The following FKBP3 variants were observed in gnomAD, a reference collection of about 807,000 sequenced individuals.
FKBP3 encodes peptidyl-prolyl cis-trans isomerase FKBP3.
A neutral mutation model predicts 30.6 loss-of-function variants in FKBP3; 21 were observed. The observed-to-expected ratio is 0.69, with a 90% confidence interval of 0.49 to 0.99. The LOEUF is 0.99. FKBP3 is among the 50% of genes least tolerant of loss of function. The pLI is 0.00. For missense variants in FKBP3, 283 were observed against 261.6 expected, an observed-to-expected ratio of 1.08 and a Z score of -0.56; for synonymous variants, 82 against 91.3, an observed-to-expected ratio of 0.90 and a Z score of 0.58.
Position 45,115,848 on chromosome 14 carries a change from C to T in FKBP3, c.*350G>A. 1 of 174,960 alleles carries T rather than the reference C, an allele frequency of 5.7e-6. No individual in the cohort carries two copies. 10.8% of individuals were successfully genotyped at this position (174,960 alleles called of 1,614,324 possible). On this transcript the variant is annotated 3_prime_UTR_variant, in exon 7 of 7. Transcript: ENST00000396062. ...CCCTGGTTTGATGAGGTCCTTAGTTCCAATTCCCTAATCAGAACAATAATA... is the reference window on the plus strand; with the variant it reads ...CCCTGGTTTGATGAGGTCCTTAGTTTCAATTCCCTAATCAGAACAATAATA...
intron 5 of FKBP3, among the ~76,000 whole-genome samples, chr14:45,119,690 T>A (rs1768412641): frequency 1.4e-5 from 2 of 139,252 alleles, no homozygotes; most frequent in African/African-American, 5.2e-5. Context: ...CAGGTAACAA[T>A]TTTTTTTTTT....
At chr14:45,128,410 G>A (rs765251252) in intron 3 of FKBP3, among the ~76,000 whole-genome samples, 27 of 152,338 alleles carry the variant, frequency 1.8e-4, no homozygotes, top group Non-Finnish European at 1.9e-4. Context: ...TACTTTATGT[G>A]AGCAATGAGC....
chr14:45,121,026 A>G lies in FKBP3; in HGVS notation c.455-72T>C. ...TATTAAGAAATTTCCATTGGAAATT[A>G]TTAAATTCCAGTGGAAAAATATAGT... On this transcript the variant is annotated intron_variant, in intron 4 of 6. Transcript: ENST00000396062. The G allele has an allele frequency of 3.3e-6, 4 of 1,226,626 alleles. No individual in the cohort carries two copies. In the East Asian group the frequency reaches 9.9e-5, roughly 30 times the overall value. 76.0% of individuals were successfully genotyped at this position (1,226,626 alleles called of 1,614,324 possible). A position where few individuals can be genotyped will look rare whatever the true frequency, so the allele number is the denominator to read the frequency against.
intron 4 of FKBP3, 69 bp from the exon 5 acceptor site, chr14:45,121,023 A>T: frequency 4.9e-6 from 6 of 1,236,626 alleles, no homozygotes; most frequent in African/African-American, 1.5e-5. Flanking sequence ...TCCATTGGAA[A>T]TTATTAAATT....
At chr14:45,117,662 A>G (rs554301268) in intron 6 of FKBP3, among the ~76,000 whole-genome samples, 10 of 152,302 alleles carry the variant, frequency 6.6e-5, no homozygotes, top group Admixed American at 3.9e-4. Flanking sequence ...ACTGTACCAT[A>G]AAATTACCAT....
intron 3 of FKBP3, among the ~76,000 whole-genome samples, chr14:45,126,091 A>G (rs1885090215): frequency 6.6e-6 from 1 of 151,810 alleles, no homozygotes; most frequent in South Asian, 2.1e-4. Flanking sequence ...AGGTTTCGCC[A>G]TGTTGCCCAG....
At chr14:45,127,115 C>CTTTTTTTTTTTTTTTTT (rs1231283034) in intron 3 of FKBP3, among the ~76,000 whole-genome samples, 15 of 120,666 alleles carry the variant, frequency 1.2e-4, no homozygotes, top group South Asian at 7.9e-4. Context: ...CTGACCCTGT[C>CTTTTTTTTTTTTTTTTT]TTTTTTTTTT....
At chr14:45,124,311 A>C (rs1478143457) in intron 3 of FKBP3, among the ~76,000 whole-genome samples, 1 of 152,116 alleles carries the variant, frequency 6.6e-6, no homozygotes. Context: ...AGGGTTGATC[A>C]CCTGAGGTCA....
chr14:45,120,813 T>C, intron 5 of FKBP3, 74 bp downstream of exon 5: 8 of 1,228,874 alleles, frequency 6.5e-6, no homozygotes, highest in East Asian at 2.3e-5. Context: ...TCCCCAAACC[T>C]AATTCTTTAC....
At chr14:45,130,365 T>C (rs948290053) in intron 2 of FKBP3, among the ~76,000 whole-genome samples, 1 of 152,206 alleles carries the variant, frequency 6.6e-6, no homozygotes, top group Admixed American at 6.5e-5. Context: ...ACATATATAA[T>C]AAAACAACAA....
rs1231283034 is a variant in FKBP3, at chr14:45,127,115, C to CTTTTTTTTTTTT, written c.318+2667_318+2678dup. Among the ~76,000 whole-genome samples the CTTTTTTTTTTTT allele has an allele frequency of 3.2e-3, 385 of 120,622 alleles. 14 individuals are homozygous for CTTTTTTTTTTTT. The highest frequency in any genetic ancestry group is 4.5e-3 in the Non-Finnish European group (269 of 60,140). The allele number at this position is 120,622 out of a possible 152,430, so 79.1% of individuals were successfully genotyped here. ...AGCCACTGTACCTGACTGACCCTGT[C>CTTTTTTTTTTTT]TTTTTTTTTTTTTTTGAGACAGAGT... On this transcript the variant is annotated intron_variant, in intron 3 of 6. Coordinates refer to ENST00000396062, the MANE Select transcript of FKBP3 (RefSeq NM_002013.4).
intron 3 of FKBP3, 109 bp from the exon 4 acceptor site, chr14:45,121,729 A>T (rs1884990653): frequency 8.0e-7 from 1 of 1,257,010 alleles, no homozygotes; most frequent in African/African-American, 1.5e-5. Context: ...AGTTTGATGG[A>T]TTTGGTAATA....
intron 5 of FKBP3, among the ~76,000 whole-genome samples, chr14:45,119,362 G>A (rs1475524711): frequency 1.3e-5 from 2 of 152,096 alleles, no homozygotes; most frequent in Non-Finnish European, 2.9e-5. Flanking sequence ...ATCACTTGAG[G>A]TCAGCACTCA....
chr14:45,129,711 T>G, intron 3 of FKBP3, 83 bp downstream of exon 3: 49 of 826,794 alleles, frequency 5.9e-5, no homozygotes, highest in Middle Eastern at 2.8e-4. Flanking sequence ...CCCTTCACTA[T>G]GAGAAGTTAG....
At chr14:45,119,451 C>G (rs914000899) in intron 5 of FKBP3, among the ~76,000 whole-genome samples, 3 of 151,900 alleles carry the variant, frequency 2.0e-5, no homozygotes, top group Non-Finnish European at 4.4e-5. Flanking sequence ...TGCCTGTAAT[C>G]CCAGCTATTC....
chr14:45,133,328 G>A (rs879727523), intron 1 of FKBP3: 2 of 304,128 alleles, frequency 6.6e-6, no homozygotes, highest in Non-Finnish European at 1.4e-5. Context: ...TTAACCTGGC[G>A]TGGTGGCACG....
In FKBP3 at chr14:45,116,254, T is replaced by C; in HGVS notation, c.621-2A>G. 6.2e-7 allele frequency: 1 copy of C among 1,612,110 alleles called. No individual in the cohort carries two copies. The highest frequency in any genetic ancestry group is 8.5e-7 in the Non-Finnish European group (1 of 1,178,318). Reference sequence around the variant, plus strand: ...GTGAGTTTTGCATTTGGTGGAATTCTGTTGAAGAAGTCAAGGTACATTTGA... The same window carrying C: ...GTGAGTTTTGCATTTGGTGGAATTCCGTTGAAGAAGTCAAGGTACATTTGA... On this transcript the variant is annotated splice_acceptor_variant, in intron 6 of 6. Coordinates refer to ENST00000396062, the MANE Select transcript of FKBP3 (RefSeq NM_002013.4). LOFTEE classifies it high-confidence loss of function.
chr14:45,123,602 CTTTTTTTTTTTT>C (rs200242313), intron 3 of FKBP3, among the ~76,000 whole-genome samples: 44 of 84,306 alleles, frequency 5.2e-4, no homozygotes, highest in Middle Eastern at 7.4e-3. Context: ...CTCTCTACTC[CTTTTTTTTTTTT>C]TTTTTTTTTT....
rs889326914 is a variant in FKBP3 at position 45,121,400 on chromosome 14, A to T, written c.454+85T>A. On this transcript the variant is annotated intron_variant, in intron 4 of 6. Transcript: ENST00000396062. ...TGAAAGTAGGTGACAGTCAGGAAAA[A>T]GGTACTGCTAACTACTCATCTGTCT... 1.1e-5 allele frequency: 12 copies of T among 1,103,060 alleles called. No individual in the cohort carries two copies. In the East Asian group the frequency reaches 2.9e-4, roughly 26 times the overall value. 68.3% of individuals were successfully genotyped at this position (1,103,060 alleles called of 1,614,324 possible).
Sources: gnomAD v4.1 joint callset for allele counts (sites outside exome capture counted in the v4.1 genomes callset) on GRCh38, gnomAD v4.1.1 for gene constraint, MANE v1.5 for transcripts, NCBI Gene and HGNC (gene_info 2026-07-23, HGNC 2026-07-21) for gene names.